Variants in AMBRA1 observed in about 807,000 individuals in gnomAD.
The protein encoded by AMBRA1 is activating molecule in BECN1-regulated autophagy protein 1.
A neutral mutation model predicts 125.4 loss-of-function variants in AMBRA1; 47 were observed. The ratio of observed to expected loss-of-function variants is 0.37; its 90% CI spans 0.30 to 0.48. AMBRA1 has a LOEUF of 0.48. Among genes scored for constraint, AMBRA1 ranks in the 20% least tolerant of loss-of-function variants. The pLI, the probability that AMBRA1 is intolerant of heterozygous loss-of-function variation, is 0.99. For missense variants in AMBRA1, 1,331 were observed against 1,693.4 expected (o/e 0.79, Z 3.76); for synonymous variants, 626 against 655.5 (o/e 0.95, Z 0.69).
At chr11:46,444,332 TG>T (rs1410587351) in intron 11 of AMBRA1, among the ~76,000 whole-genome samples, 1 of 152,226 alleles carries the variant, frequency 6.6e-6, no homozygotes, top group Non-Finnish European at 1.5e-5. Context: ...TAACTTTCTC[TG>T]AGATATATTC....
intron 11 of AMBRA1, among the ~76,000 whole-genome samples, chr11:46,445,820 G>T (rs1015929485): frequency 6.6e-6 from 1 of 152,082 alleles, no homozygotes; most frequent in Non-Finnish European, 1.5e-5. Context: ...GATTTTCTCA[G>T]TACATGATGA....
intron 14 of AMBRA1, chr11:46,429,223 C>T (rs1258491536): frequency 4.0e-6 from 5 of 1,252,820 alleles, no homozygotes; most frequent in Non-Finnish European, 5.6e-6. Flanking sequence ...ACCAGCGGCC[C>T]CCTACCCCAT....
chr11:46,507,340 G>C (rs560195782), intron 9 of AMBRA1, among the ~76,000 whole-genome samples: 1 of 151,610 alleles, frequency 6.6e-6, no homozygotes, highest in African/African-American at 2.4e-5. Context: ...TTAGCCAGGC[G>C]CGGTGGCGGG....
At chr11:46,506,106 A>G (rs1025451185) in intron 9 of AMBRA1, among the ~76,000 whole-genome samples, 43 of 152,188 alleles carry the variant, frequency 2.8e-4, no homozygotes, top group Admixed American at 4.6e-4. Flanking sequence ...ACAGGAGAAC[A>G]TATTTCACTG....
intron 11 of AMBRA1, among the ~76,000 whole-genome samples, chr11:46,449,772 T>A (rs1948481456): frequency 6.6e-6 from 1 of 152,102 alleles, no homozygotes. Flanking sequence ...CTTCAAGACT[T>A]AATATAGGCC....
At chr11:46,460,474 A>AC (rs1372625645) in intron 11 of AMBRA1, among the ~76,000 whole-genome samples, 1 of 152,088 alleles carries the variant, frequency 6.6e-6, no homozygotes, top group Admixed American at 6.5e-5. Flanking sequence ...GGTGCCCGCC[A>AC]CCATGCCCGG....
intron 1 of AMBRA1, among the ~76,000 whole-genome samples, chr11:46,552,368 C>CAAAAAAAAAAA (rs56090695): frequency 8.3e-5 from 1 of 11,990 alleles, no homozygotes; most frequent in African/African-American, 2.4e-4. Flanking sequence ...GACTCCATCT[C>CAAAAAAAAAAA]AAAAAAAAAA....
chr11:46,507,009 CAAA>C (rs1195308304), intron 9 of AMBRA1, among the ~76,000 whole-genome samples: 1 of 79,880 alleles, frequency 1.3e-5, no homozygotes. Flanking sequence ...ACTAAAAATA[CAAA>C]AAAAAAAAAA....
chr11:46,469,124 C>CAAAAAAAGAAAAA (rs1431703512), intron 11 of AMBRA1, among the ~76,000 whole-genome samples: 1 of 152,106 alleles, frequency 6.6e-6, no homozygotes, highest in African/African-American at 2.4e-5. Flanking sequence ...GCCTGCGTGA[C>CAAAAAAAGAAAAA]AACAGGGAAA....
At chr11:46,493,582 C>A (rs1282356650) in intron 11 of AMBRA1, 26 bp downstream of exon 11, 1 of 1,584,088 alleles carries the variant, frequency 6.3e-7, no homozygotes, top group Non-Finnish European at 8.6e-7. Context: ...TTCACATTTT[C>A]AAAAGCCAAA....
chr11:46,545,575 A>G lies in AMBRA1; in HGVS notation c.551+29T>C, dbSNP rs764534014. ...TTCTCTATCACGTCAGTCCTGTGCC[A>G]GACAATGCAGATGGGGCAGCGCACT... is the stretch of plus-strand genomic sequence containing the variant. On this transcript the variant is annotated intron_variant, in intron 5 of 17. Transcript: ENST00000683756. 3.1e-6 allele frequency: 5 copies of G among 1,609,688 alleles called. No homozygotes were observed. In the African/African-American group the frequency reaches 5.3e-5, roughly 17 times the overall value.
chr11:46,429,293 G>A lies in AMBRA1; in HGVS notation c.2976+4181C>T, dbSNP rs1947335854. 4.1e-6 allele frequency: 3 copies of A among 740,598 alleles called. No individual in the cohort carries two copies. In the Admixed American group the frequency reaches 6.8e-5, roughly 17 times the overall value. 45.9% of individuals were successfully genotyped at this position (740,598 alleles called of 1,614,324 possible). ...ATCGGTGTGTGGGGAGTGGGAGAGAGGCCCCCTGCCCGCATCCTGGGGAGG... is the reference window on the plus strand; with the variant it reads ...ATCGGTGTGTGGGGAGTGGGAGAGAAGCCCCCTGCCCGCATCCTGGGGAGG... On this transcript the variant is annotated intron_variant, in intron 14 of 17. Coordinates refer to ENST00000683756, the MANE Select transcript of AMBRA1 (RefSeq NM_001387011.1).
At chr11:46,561,295 C>T (rs540531385) in intron 1 of AMBRA1, among the ~76,000 whole-genome samples, 4 of 151,668 alleles carry the variant, frequency 2.6e-5, no homozygotes, top group Admixed American at 6.6e-5. Context: ...GCAGGAGAAT[C>T]GCTTGAACCT....
At chr11:46,483,091 A>G (rs1172725814) in intron 11 of AMBRA1, among the ~76,000 whole-genome samples, 1 of 151,994 alleles carries the variant, frequency 6.6e-6, no homozygotes, top group Admixed American at 6.5e-5. Context: ...CCCACAGCTC[A>G]AGACAGTAGA....
At chr11:46,433,975 C>T (rs1394667026) in intron 13 of AMBRA1, among the ~76,000 whole-genome samples, 2 of 151,802 alleles carry the variant, frequency 1.3e-5, no homozygotes, top group East Asian at 1.9e-4. Context: ...GTTAGTCAGG[C>T]GTGGTTGCGC....
intron 14 of AMBRA1, among the ~76,000 whole-genome samples, chr11:46,418,607 G>C (rs1029412013): frequency 6.6e-6 from 1 of 151,504 alleles, no homozygotes; most frequent in Non-Finnish European, 1.5e-5. Flanking sequence ...GTGTCCAAGT[G>C]TTCTCATTGT....
intron 7 of AMBRA1, among the ~76,000 whole-genome samples, chr11:46,517,470 GT>G (rs768814141): frequency 0.038 from 3,644 of 96,150 alleles, 129 homozygotes; most frequent in African/African-American, 0.11. Flanking sequence ...TATTAATAAG[GT>G]TTTTTTTTTT....
chr11:46,484,199 T>A (rs1006010246), intron 11 of AMBRA1, among the ~76,000 whole-genome samples: 1 of 152,248 alleles, frequency 6.6e-6, no homozygotes, highest in African/African-American at 2.4e-5. Flanking sequence ...CAAAGAAAGC[T>A]GCTGCTTCCA....
intron 7 of AMBRA1, among the ~76,000 whole-genome samples, chr11:46,526,624 G>A (rs1232481260): frequency 1.3e-5 from 2 of 151,368 alleles, no homozygotes; most frequent in African/African-American, 4.8e-5. Flanking sequence ...ACATGACAAG[G>A]GAGAGAGACC....
Sources: gnomAD v4.1 joint callset for allele counts (sites outside exome capture counted in the v4.1 genomes callset) on GRCh38, gnomAD v4.1.1 for gene constraint, MANE v1.5 for transcripts, NCBI Gene and HGNC (gene_info 2026-07-23, HGNC 2026-07-21) for gene names.